KCTD1: variants seen among roughly 807,000 people sequenced by gnomAD.
The protein encoded by KCTD1 is potassium channel tetramerization domain containing 1, also known as BTB/POZ domain-containing protein KCTD1.
KCTD1 carries 24 observed loss-of-function variants against 66.0 expected under a neutral mutation model. The observed-to-expected ratio is 0.36, with a 90% CI of 0.26 to 0.51. The LOEUF is 0.51. Ranked by LOEUF, KCTD1 falls within the 20% of genes least tolerant of loss-of-function variation. The pLI, the probability that KCTD1 is intolerant of heterozygous loss-of-function variation, is 0.95. For missense variants in KCTD1, 943 were observed against 1,205.2 expected, an observed-to-expected ratio of 0.78 and a Z score of 3.22; for synonymous variants, 511 against 517.2, an observed-to-expected ratio of 0.99 and a Z score of 0.16.
At chr18:26,551,113 G>C (rs946632026), upstream of KCTD1, among the ~76,000 whole-genome samples, 2 of 152,166 alleles carry the variant, frequency 1.3e-5, no homozygotes, top group African/African-American at 4.8e-5. Flanking sequence ...CCTCCCTACT[G>C]GGCGAGCTGC....
chr18:26,575,709 GT>G lies in KCTD1; in HGVS notation c.-16+53437del, dbSNP rs1986209979. ...ATTCAAATATTTGTACATTATTTAG[GT>G]TGTGCTTTTCATACTTCATTATGCT... On this transcript the variant is annotated intron_variant, in intron 1 of 4. Transcript: ENST00000317932. 3 of 152,176 alleles carry G rather than the reference GT, an allele frequency of 2.0e-5. No individual in the cohort carries two copies. In the South Asian group the frequency reaches 6.2e-4, roughly 32 times the overall value. The allele number at this position is 152,176 out of a possible 1,614,324, so 9.4% of individuals were successfully genotyped here. A position where few individuals can be genotyped will look rare whatever the true frequency, so the allele number is the denominator to read the frequency against.
chr18:26,568,451 G>T (rs542373541), intron 1 of KCTD1, among the ~76,000 whole-genome samples: 67 of 152,024 alleles, frequency 4.4e-4, no homozygotes, highest in Non-Finnish European at 8.7e-4. Flanking sequence ...TGCCCAGGCT[G>T]GTCTCGAACT....
chr18:26,502,431 G>A (rs940261828), intron 1 of KCTD1, among the ~76,000 whole-genome samples: 1 of 152,110 alleles, frequency 6.6e-6, no homozygotes, highest in East Asian at 1.9e-4. Context: ...GGGCTCAGGC[G>A]ATCTGCTCAT....
upstream of KCTD1, chr18:26,657,433 TC>T: frequency 1.0e-6 from 1 of 973,428 alleles, no homozygotes. Flanking sequence ...CCGATTTCTC[TC>T]CCAGCGATCT....
At chr18:26,525,003 T>C (rs977069373) in intron 1 of KCTD1, among the ~76,000 whole-genome samples, 6 of 152,142 alleles carry the variant, frequency 3.9e-5, no homozygotes, top group African/African-American at 9.7e-5. Context: ...GAAAGAATGC[T>C]GAATATCAAA....
In KCTD1 at chr18:26,547,306, C is replaced by T. The variant is rs1985292241; in HGVS notation, c.1231G>A (p.Asp411Asn). 8 of 1,551,632 alleles carry T rather than the reference C, an allele frequency of 5.2e-6. No homozygotes were observed. The highest frequency in any genetic ancestry group is 7.0e-6 in the Non-Finnish European group (8 of 1,146,952). ...GTCACATCGCCCTCGCTGCAGTGGT[C>T]CCGGGGCCGCTGGAAGAACGCCTTG... ...LCKAFFQRPR[D>N]HCSEGDVTWY... is the part of the protein sequence containing the mutation. Residue 411 changes from aspartate to asparagine, a missense_variant, in exon 1 of 5, where the codon GAC becomes AAC. By Grantham distance (23) the Asp-to-Asn change is conservative. This residue lies in a region of KCTD1 where 79 missense variants were observed against 133.9 expected (regional missense o/e 0.59). Coordinates refer to ENST00000580059, the MANE Select transcript of KCTD1 (RefSeq NM_001142730.3).
intron 1 of KCTD1, among the ~76,000 whole-genome samples, chr18:26,612,933 A>G (rs1987167877): frequency 6.6e-6 from 1 of 152,056 alleles, no homozygotes; most frequent in Non-Finnish European, 1.5e-5. Context: ...CCTTGTTATT[A>G]TTGTTTGTTG....
chr18:26,501,303 A>G, intron 1 of KCTD1, 53 bp from the exon 2 acceptor site: 3 of 1,468,326 alleles, frequency 2.0e-6, no homozygotes, highest in East Asian at 2.3e-5. Flanking sequence ...GTAGAAAGAT[A>G]GGAAATACAT....
intron 1 of KCTD1, among the ~76,000 whole-genome samples, chr18:26,593,681 AGGAGG>A (rs1395266419): frequency 4.3e-5 from 6 of 139,666 alleles, no homozygotes; most frequent in African/African-American, 8.2e-5. Flanking sequence ...GAAGATGAGG[AGGAGG>A]AGGAAGAAGA....
At chr18:26,539,066 T>C (rs1193216891) in intron 1 of KCTD1, among the ~76,000 whole-genome samples, 1 of 152,250 alleles carries the variant, frequency 6.6e-6, no homozygotes, top group African/African-American at 2.4e-5. Flanking sequence ...TGTGATTTCA[T>C]GTTCTATCAT....
chr18:26,561,676 G>T (rs1176148524), intron 1 of KCTD1, among the ~76,000 whole-genome samples: 1 of 152,196 alleles, frequency 6.6e-6, no homozygotes, highest in Non-Finnish European at 1.5e-5. Flanking sequence ...CAAGCCAAGT[G>T]GTCTGTCACA....
intron 1 of KCTD1, among the ~76,000 whole-genome samples, chr18:26,516,982 G>C (rs1983682828): frequency 6.6e-6 from 1 of 152,188 alleles, no homozygotes; most frequent in African/African-American, 2.4e-5. Flanking sequence ...AGTTGATAGA[G>C]ATTTTGTGGA....
intron 2 of KCTD1, among the ~76,000 whole-genome samples, chr18:26,486,831 T>C (rs1981944828): frequency 6.6e-6 from 1 of 152,228 alleles, no homozygotes; most frequent in Admixed American, 6.5e-5. Context: ...ACCAGCTATA[T>C]CTATTTTCAA....
At chr18:26,537,543 T>C (rs1351611015) in intron 1 of KCTD1, among the ~76,000 whole-genome samples, 2 of 152,244 alleles carry the variant, frequency 1.3e-5, no homozygotes, top group Non-Finnish European at 2.9e-5. Context: ...CTGTAGTCTA[T>C]TTCAACCGTA....
upstream of KCTD1, chr18:26,548,873 G>C (rs1449959739): frequency 1.0e-6 from 1 of 1,004,626 alleles, no homozygotes; most frequent in East Asian, 1.0e-4. Flanking sequence ...CGGTGGGGGC[G>C]AAACACTCCC....
At chr18:26,630,573 G>T (rs947569478), upstream of KCTD1, among the ~76,000 whole-genome samples, 1 of 152,168 alleles carries the variant, frequency 6.6e-6, no homozygotes, top group Non-Finnish European at 1.5e-5. Flanking sequence ...AGGCCAAGGT[G>T]ATCCTCCCAC....
chr18:26,508,703 A>G (rs1983173654), intron 1 of KCTD1, among the ~76,000 whole-genome samples: 1 of 148,062 alleles, frequency 6.8e-6, no homozygotes, highest in African/African-American at 2.5e-5. Context: ...CTGGATTTAA[A>G]TATATTTCTC....
At chr18:26,542,426 A>C (rs764862987) in intron 1 of KCTD1, among the ~76,000 whole-genome samples, 1 of 152,244 alleles carries the variant, frequency 6.6e-6, no homozygotes, top group Non-Finnish European at 1.5e-5. Context: ...CCTACAGATG[A>C]CTAGTTTACA....
At chr18:26,516,858 T>C (rs931840386) in intron 1 of KCTD1, among the ~76,000 whole-genome samples, 2 of 152,220 alleles carry the variant, frequency 1.3e-5, no homozygotes, top group Admixed American at 1.3e-4. Flanking sequence ...CATCAAATGC[T>C]TTTTGATTTG....
Sources: allele counts gnomAD v4.1 joint callset (sites outside exome capture counted in the v4.1 genomes callset), GRCh38; gene constraint gnomAD v4.1.1; regional missense constraint gnomAD v4.1.1; transcripts MANE v1.5; gene names NCBI Gene and HGNC (gene_info 2026-07-23, HGNC 2026-07-21).